Variants in INTS4 observed in about 807,000 individuals in gnomAD.
INTS4 encodes the protein MSTP093.
A neutral mutation model predicts 119.5 loss-of-function variants in INTS4; 70 were observed. The observed-to-expected ratio is 0.59, with a 90% CI of 0.48 to 0.71. INTS4 has a LOEUF of 0.71. INTS4 is among the 30% of genes least tolerant of loss of function. INTS4 has a pLI of 0.00. For synonymous variants in INTS4, 316 were observed against 419.6 expected (o/e 0.75, Z 3.02); for missense variants, 867 against 1,173.2 (o/e 0.74, Z 3.81).
intron 4 of INTS4, among the ~76,000 whole-genome samples, chr11:77,971,843 A>G (rs1488902352): frequency 9.9e-5 from 15 of 152,134 alleles, no homozygotes; most frequent in Admixed American, 2.0e-4. Flanking sequence ...TCCAAAATCC[A>G]AAGACACTAA....
At chr11:77,991,047 T>C in intron 2 of INTS4, 61 bp downstream of exon 2, 1 of 1,414,716 alleles carries the variant, frequency 7.1e-7, no homozygotes, top group East Asian at 2.3e-5. Flanking sequence ...ATATTAACCA[T>C]TCTGCAGACA....
chr11:77,929,177 TA>T (rs1953585261), intron 10 of INTS4, among the ~76,000 whole-genome samples: 1 of 152,124 alleles, frequency 6.6e-6, no homozygotes, highest in Non-Finnish European at 1.5e-5. Context: ...TGAAGCCCCA[TA>T]TTTTATATAT....
At chr11:77,960,567 A>G (rs985494179) in intron 5 of INTS4, among the ~76,000 whole-genome samples, 176 bp from the exon 6 acceptor site, 3 of 152,156 alleles carry the variant, frequency 2.0e-5, no homozygotes, top group Admixed American at 6.6e-5. Context: ...GCATTCAAGC[A>G]TTTCACAAAT....
chr11:77,940,249 C>G (rs1953898045), intron 9 of INTS4, among the ~76,000 whole-genome samples: 1 of 151,882 alleles, frequency 6.6e-6, no homozygotes, highest in South Asian at 2.1e-4. Context: ...AGGAACACAG[C>G]AAGACCTCAT....
At chr11:77,900,161 G>A in intron 18 of INTS4, among the ~76,000 whole-genome samples, 1 of 151,636 alleles carries the variant, frequency 6.6e-6, no homozygotes, top group East Asian at 1.9e-4. Context: ...GTGCAGTGGT[G>A]TGATTTCGGC....
downstream of INTS4, chr11:77,878,627 G>A: frequency 1.7e-6 from 1 of 599,188 alleles, no homozygotes; most frequent in Non-Finnish European, 3.0e-6. Context: ...GGATCTTTGT[G>A]TTTCACACCT....
chr11:77,965,280 G>A (rs945502871), intron 4 of INTS4, among the ~76,000 whole-genome samples: 1 of 151,922 alleles, frequency 6.6e-6, no homozygotes, highest in African/African-American at 2.4e-5. Context: ...TTGAATTCCT[G>A]GACTCAAGCA....
chr11:77,900,701 C>T (rs748801567), intron 18 of INTS4: 3 of 676,452 alleles, frequency 4.4e-6, no homozygotes, highest in Middle Eastern at 2.4e-4. Flanking sequence ...AAACAAAAAA[C>T]ACTATGGGAC....
At chr11:77,960,476 C>T in intron 5 of INTS4, 85 bp from the exon 6 acceptor site, 1 of 1,052,762 alleles carries the variant, frequency 9.5e-7, no homozygotes, top group Non-Finnish European at 1.5e-6. Context: ...ATATTTTCCC[C>T]TATTGTATCA....
intron 10 of INTS4, among the ~76,000 whole-genome samples, chr11:77,933,175 A>G (rs1258878975): frequency 1.3e-5 from 2 of 152,110 alleles, no homozygotes; most frequent in Admixed American, 6.6e-5. Flanking sequence ...AAATGTTAAA[A>G]GTGGCCCTCT....
intron 15 of INTS4, among the ~76,000 whole-genome samples, chr11:77,918,620 C>A (rs1387919313): frequency 6.6e-6 from 1 of 152,024 alleles, no homozygotes; most frequent in Non-Finnish European, 1.5e-5. Context: ...AATCATCAAT[C>A]GAGTCATGAA....
intron 10 of INTS4, among the ~76,000 whole-genome samples, chr11:77,935,083 A>G (rs1179625854): frequency 6.6e-6 from 1 of 152,176 alleles, no homozygotes; most frequent in Non-Finnish European, 1.5e-5. Context: ...CAAAGCACTG[A>G]AATTCTGAGA....
At chr11:77,936,527 C>T (rs973117674) in intron 10 of INTS4, among the ~76,000 whole-genome samples, 2 of 152,196 alleles carry the variant, frequency 1.3e-5, no homozygotes, top group African/African-American at 4.8e-5. Flanking sequence ...GGACTAAAGG[C>T]ATGCACAACC....
At chr11:77,900,166 T>C (rs1952716767) in intron 18 of INTS4, among the ~76,000 whole-genome samples, 1 of 151,922 alleles carries the variant, frequency 6.6e-6, no homozygotes. Context: ...GTGGTGTGAT[T>C]TCGGCCCACT....
At chr11:77,931,327 T>C (rs1055730892) in intron 10 of INTS4, among the ~76,000 whole-genome samples, 1 of 152,182 alleles carries the variant, frequency 6.6e-6, no homozygotes, top group African/African-American at 2.4e-5. Context: ...GCCAGTGAAA[T>C]AAGGCTCCAT....
chr11:77,922,832 C>G (rs1953396097), intron 12 of INTS4: 1 of 302,344 alleles, frequency 3.3e-6, no homozygotes, highest in South Asian at 3.0e-5. Flanking sequence ...TCATGGCAAT[C>G]CCATTCCCAT....
intron 18 of INTS4, among the ~76,000 whole-genome samples, chr11:77,900,339 TCTGC>T (rs1181956226): frequency 1.3e-5 from 2 of 151,800 alleles, no homozygotes; most frequent in African/African-American, 4.8e-5. Context: ...GACCTCGTGA[TCTGC>T]CCACCTTGGC....
chr11:77,919,022 G>A (rs1378260681), intron 14 of INTS4, 44 bp from the exon 15 acceptor site: 32 of 1,607,390 alleles, frequency 2.0e-5, no homozygotes, highest in Non-Finnish European at 2.6e-5. Flanking sequence ...TGGTGGCTCA[G>A]CTTTTGGTAA....
intron 15 of INTS4, chr11:77,918,376 C>G: frequency 3.1e-6 from 1 of 323,482 alleles, no homozygotes; most frequent in South Asian, 3.2e-5. Flanking sequence ...GATATTATGC[C>G]ACTGCACTCC....
Sources: gnomAD v4.1 joint callset for allele counts (sites outside exome capture counted in the v4.1 genomes callset) on GRCh38, gnomAD v4.1.1 for gene constraint, MANE v1.5 for transcripts, NCBI Gene and HGNC (gene_info 2026-07-23, HGNC 2026-07-21) for gene names.